Variants in C4orf51 observed in about 807,000 individuals in gnomAD.
C4orf51 encodes the protein chromosome 4 open reading frame 51.
Under a neutral mutation model 25.2 loss-of-function variants are expected in C4orf51, and 25 were observed. The ratio of observed to expected loss-of-function variants is 0.99; its 90% CI spans 0.72 to 1.39. The LOEUF (loss-of-function observed/expected upper bound fraction) is 1.39, where lower values mean the gene tolerates loss of function less well. Ranked by LOEUF, C4orf51 falls within the 40% of genes most tolerant of loss-of-function variation. The pLI is 0.00. For synonymous variants in C4orf51, 100 were observed against 84.5 expected (o/e 1.18, Z -1.01); for missense variants, 252 against 239.6 (o/e 1.05, Z -0.34).
At chr4:145,736,315 A>AG (rs1732800979), downstream of C4orf51, among the ~76,000 whole-genome samples, 1 of 151,922 alleles carries the variant, frequency 6.6e-6, no homozygotes, top group Admixed American at 6.6e-5. Flanking sequence ...TGACGAATGC[A>AG]GAAGGATGCT....
chr4:145,706,411 C>G (rs1267347845), intron 2 of C4orf51, among the ~76,000 whole-genome samples: 1 of 152,132 alleles, frequency 6.6e-6, no homozygotes, highest in Admixed American at 6.5e-5. Flanking sequence ...CTCTTGTGGT[C>G]TCAAGATAAC....
chr4:145,739,837 A>G (rs936092891), intron 1 of C4orf51, among the ~76,000 whole-genome samples: 3 of 152,168 alleles, frequency 2.0e-5, no homozygotes. Flanking sequence ...AACACCCCTG[A>G]CAACTATTGA....
At chr4:145,697,844 C>T (rs1215655290) in intron 2 of C4orf51, among the ~76,000 whole-genome samples, 1 of 152,078 alleles carries the variant, frequency 6.6e-6, no homozygotes. Context: ...TCTTCGAGGT[C>T]GTGATTTTAT....
intron 5 of C4orf51, among the ~76,000 whole-genome samples, chr4:145,731,916 A>G (rs1732505723): frequency 6.6e-6 from 1 of 152,148 alleles, no homozygotes; most frequent in African/African-American, 2.4e-5. Context: ...TTAAATATAT[A>G]TAGTTTGGAG....
chr4:145,760,737 T>A, intron 1 of C4orf51: 1 of 814,722 alleles, frequency 1.2e-6, no homozygotes, highest in Non-Finnish European at 1.4e-6. Context: ...TTTTTTTTTT[T>A]GTCTTTTGTC....
the C4orf51 span, among the ~76,000 whole-genome samples, chr4:145,782,925 T>C: frequency 6.6e-6 from 1 of 152,238 alleles, no homozygotes; most frequent in Non-Finnish European, 1.5e-5. Flanking sequence ...TGAAGCCCTA[T>C]CTCAGATTTT....
the C4orf51 span, among the ~76,000 whole-genome samples, chr4:145,781,228 G>GAAAAAA: frequency 1.0e-5 from 1 of 99,694 alleles, no homozygotes. Flanking sequence ...GAAAAAAAAA[G>GAAAAAA]AAAAAAAAAA....
chr4:145,764,276 A>T (rs1203019378), intron 1 of C4orf51, among the ~76,000 whole-genome samples: 3 of 152,162 alleles, frequency 2.0e-5, no homozygotes, highest in Non-Finnish European at 4.4e-5. Context: ...TGTGCAGATG[A>T]GGTAGTACTA....
At chr4:145,780,970 G>A in the C4orf51 span, among the ~76,000 whole-genome samples, 3 of 152,166 alleles carry the variant, frequency 2.0e-5, no homozygotes, top group African/African-American at 4.8e-5. Flanking sequence ...GCCGAGGCAG[G>A]GGGATCACAA....
chr4:145,744,893 G>A (rs1733290263), intron 1 of C4orf51, among the ~76,000 whole-genome samples: 3 of 151,904 alleles, frequency 2.0e-5, no homozygotes, highest in African/African-American at 7.3e-5. Flanking sequence ...GAATAGTATG[G>A]TGATGATCTA....
At chr4:145,737,810 T>A (rs575635307) in intron 1 of C4orf51, among the ~76,000 whole-genome samples, 1 of 152,356 alleles carries the variant, frequency 6.6e-6, no homozygotes, top group South Asian at 2.1e-4. Context: ...TAGGATTGCC[T>A]TTTTCACCTC....
In C4orf51 at chr4:145,729,240, T is replaced by A; in HGVS notation, c.427+11T>A. On this transcript the variant is annotated intron_variant, in intron 4 of 5. Coordinates refer to ENST00000438731, the MANE Select transcript of C4orf51 (RefSeq NM_001080531.3). ...ATTATGGAAAATACTGTAAGTCCCA[T>A]CCTGAACTACTACTTTACATCCATT... 6.4e-7 allele frequency: 1 copy of A among 1,566,540 alleles called. No homozygotes were observed. The highest frequency in any genetic ancestry group is 8.8e-7 in the Non-Finnish European group (1 of 1,140,394).
Position 145,693,015 on chromosome 4 carries a change from CTGTTTTTT to C in C4orf51, c.234-3542_234-3535del, listed in dbSNP as rs1431056324. Among the ~76,000 whole-genome samples, 330 of 55,530 alleles carry C rather than the reference CTGTTTTTT, an allele frequency of 5.9e-3. 4 individuals carry two copies. Among genetic ancestry groups the C allele is most frequent in the African/African-American group, 0.03 (300 of 9,920 alleles). The allele number at this position is 55,530 out of a possible 152,430, so 36.4% of individuals were successfully genotyped here. Reference sequence around the variant, plus strand: ...TCAGGTGAAATGAACAATTTTTCACCTGTTTTTTTTTTTTTTTTTATTAAATTTATTTT... The same window carrying C: ...TCAGGTGAAATGAACAATTTTTCACCTTTTTTTTTTTATTAAATTTATTTT... On this transcript the variant is annotated intron_variant, in intron 1 of 5. Transcript: ENST00000438731.
chr4:145,720,017 C>G (rs1202571791), intron 2 of C4orf51, among the ~76,000 whole-genome samples: 1 of 152,020 alleles, frequency 6.6e-6, no homozygotes, highest in Non-Finnish European at 1.5e-5. Flanking sequence ...TTTGATCATG[C>G]CTCAGAGGTG....
chr4:145,751,733 T>A (rs1043989070), intron 1 of C4orf51, among the ~76,000 whole-genome samples: 1 of 152,126 alleles, frequency 6.6e-6, no homozygotes, highest in Non-Finnish European at 1.5e-5. Flanking sequence ...GGTCAGTGAG[T>A]TCCCCCAGGA....
In C4orf51 at chr4:145,680,500, A is replaced by G. The variant is rs72950881; in HGVS notation, c.233+64A>G. On this transcript the variant is annotated intron_variant, in intron 1 of 5. Transcript: ENST00000438731. ...ATAAATAGACAAGAGTGCTCTTAGA[A>G]GAAAGAGGTATTGTAGACCCTGAGA... The G allele has an allele frequency of 1.3e-3, 1,617 of 1,230,252 alleles. 19 individuals are homozygous for G. In the African/African-American group the frequency reaches 0.021, roughly 16 times the overall value. The allele number at this position is 1,230,252 out of a possible 1,614,324, so 76.2% of individuals were successfully genotyped here. A position where few individuals can be genotyped will look rare whatever the true frequency, so the allele number is the denominator to read the frequency against.
intron 3 of C4orf51, among the ~76,000 whole-genome samples, chr4:145,727,919 ATAT>A (rs1732167888): frequency 9.4e-6 from 1 of 106,250 alleles, no homozygotes; most frequent in African/African-American, 4.5e-5. Context: ...ATATATATAT[ATAT>A]AAAATATATT....
At chr4:145,704,196 T>C (rs949390794) in intron 2 of C4orf51, among the ~76,000 whole-genome samples, 3 of 152,190 alleles carry the variant, frequency 2.0e-5, no homozygotes, top group African/African-American at 7.2e-5. Context: ...TAAATGTTTC[T>C]TTTCAGATTT....
chr4:145,731,564 C>CTTTTTTTATTTTTTTTT (rs1732469378), intron 5 of C4orf51, among the ~76,000 whole-genome samples: 1 of 43,860 alleles, frequency 2.3e-5, no homozygotes, highest in Non-Finnish European at 3.8e-5. Flanking sequence ...CAAGGCAAAT[C>CTTTTTTTATTTTTTTTT]TTTTTTTTTT....
Sources: allele counts gnomAD v4.1 joint callset (sites outside exome capture counted in the v4.1 genomes callset), GRCh38; gene constraint gnomAD v4.1.1; transcripts MANE v1.5; gene names NCBI Gene and HGNC (gene_info 2026-07-23, HGNC 2026-07-21).